The following CELSR1 variants were observed in gnomAD, a reference collection of about 807,000 sequenced individuals.
CELSR1 encodes cadherin EGF LAG seven-pass G-type receptor 1, also known as adhesion G protein-coupled receptor C1.
CELSR1 carries 110 observed loss-of-function variants against 249.1 expected under a neutral mutation model. That is an observed-to-expected ratio of 0.44 (90% CI 0.38 to 0.52). The LOEUF is 0.52. Ranked by LOEUF, CELSR1 falls within the 20% of genes least tolerant of loss-of-function variation. The probability of loss-of-function intolerance (pLI) is 0.00; values close to 1 mark genes in which losing one functional copy is unlikely to be tolerated. For synonymous variants in CELSR1, 2,113 were observed against 1,900.0 expected (o/e 1.11, Z -2.92); for missense variants, 4,109 against 4,296.4 (o/e 0.96, Z 1.22).
chr22:46,363,947 G>A lies in CELSR1; in HGVS notation c.9035+49C>T, dbSNP rs370769384. 1.6e-5 allele frequency: 24 copies of A among 1,520,910 alleles called. No individual in the cohort carries two copies. Among genetic ancestry groups the A allele is most frequent in the African/African-American group, 1.3e-4 (9 of 71,378 alleles). 94.2% of individuals were successfully genotyped at this position (1,520,910 alleles called of 1,614,324 possible). Reference sequence around the variant, plus strand: ...CTGCCCCCTCTCTCTCCTGACTCAGGACAAGGGGGAAGTGGGTGATCCCCG... The same window carrying A: ...CTGCCCCCTCTCTCTCCTGACTCAGAACAAGGGGGAAGTGGGTGATCCCCG... On this transcript the variant is annotated intron_variant, in intron 34 of 34. Transcript: ENST00000674500. The surrounding 1 kb of genome is among the most constrained non-coding windows in gnomAD (Gnocchi z 4.3).
intron 25 of CELSR1, among the ~76,000 whole-genome samples, chr22:46,372,200 CCCTCCAACCAT>C (rs2078860239): frequency 6.7e-6 from 1 of 149,906 alleles, no homozygotes; most frequent in African/African-American, 2.5e-5. Flanking sequence ...ACTCACTCAC[CCCTCCAACCAT>C]CCATCTACTC....
chr22:46,522,076 G>GT (rs2080691780), intron 1 of CELSR1, among the ~76,000 whole-genome samples: 1 of 152,020 alleles, frequency 6.6e-6, no homozygotes, highest in African/African-American at 2.4e-5. Flanking sequence ...CAGGTTTGGG[G>GT]TTTTTTTGTG....
intron 2 of CELSR1, among the ~76,000 whole-genome samples, chr22:46,450,740 C>CA (rs1216629250): frequency 6.6e-6 from 1 of 152,202 alleles, no homozygotes; most frequent in Non-Finnish European, 1.5e-5. Flanking sequence ...GCAGGGGCCT[C>CA]AGCACCCCAT....
In CELSR1 at chr22:46,445,706, T is replaced by C. The variant is rs1055629617; in HGVS notation, c.4184-6295A>G. Reference sequence around the variant, plus strand: ...TGTTTGTCCTGGAATTGCAATCGCGTACATTCTAGCCTCTGCAAACCCGGT... The same window carrying C: ...TGTTTGTCCTGGAATTGCAATCGCGCACATTCTAGCCTCTGCAAACCCGGT... On this transcript the variant is annotated intron_variant, in intron 2 of 34. Coordinates refer to ENST00000674500, the MANE Select transcript of CELSR1 (RefSeq NM_001378328.1). This position sits in a 1 kb window ranked among gnomAD's most constrained non-coding sequence, Gnocchi z 4.4. Among the ~76,000 whole-genome samples, 1 of 152,184 alleles carries C rather than the reference T, an allele frequency of 6.6e-6. No homozygotes were observed.
rs12157429 is a variant in CELSR1, at chr22:46,473,177, C to T, written c.3545-8832G>A. Reference sequence around the variant, plus strand: ...TCCGCAGAGGGGTGGACAGGACCCACGCACCACGAGGAACCATCGCTGGCC... The same window carrying T: ...TCCGCAGAGGGGTGGACAGGACCCATGCACCACGAGGAACCATCGCTGGCC... On this transcript the variant is annotated intron_variant, in intron 1 of 34. Coordinates refer to ENST00000674500, the MANE Select transcript of CELSR1 (RefSeq NM_001378328.1). The surrounding 1 kb of genome is among the most constrained non-coding windows in gnomAD (Gnocchi z 6.6). Among the ~76,000 whole-genome samples, 16,536 of 152,088 alleles carry T rather than the reference C, an allele frequency of 0.11. 2,767 individuals carry two copies. The highest frequency in any genetic ancestry group is 0.36 in the African/African-American group (14,927 of 41,434).
Position 46,454,555 on chromosome 22 carries a change from G to A in CELSR1, c.4183+9152C>T, listed in dbSNP as rs1255021038. Reference sequence around the variant, plus strand: ...CCACAGCGAGGTTTCTATTGCATGCGGCTCGTCTTCAGGCCACTTTTCTAA... The same window carrying A: ...CCACAGCGAGGTTTCTATTGCATGCAGCTCGTCTTCAGGCCACTTTTCTAA... On this transcript the variant is annotated intron_variant, in intron 2 of 34. Transcript: ENST00000674500. This position sits in a 1 kb window ranked among gnomAD's most constrained non-coding sequence, Gnocchi z 5.1. 2.6e-5 allele frequency among the ~76,000 whole-genome samples: 4 copies of A among 152,322 alleles called. No individual in the cohort carries two copies. The highest frequency in any genetic ancestry group is 2.1e-4 in the South Asian group (1 of 4,824).
intron 1 of CELSR1, among the ~76,000 whole-genome samples, chr22:46,482,007 A>G (rs923181078): frequency 7.2e-5 from 11 of 152,172 alleles, no homozygotes; most frequent in Non-Finnish European, 1.3e-4. Context: ...TCCTGAGCTC[A>G]GGTGATCCAC....
At position 46,441,398 on chromosome 22, in the gene CELSR1, G is replaced by A. The variant is rs546772701; in HGVS notation, c.4184-1987C>T. On this transcript the variant is annotated intron_variant, in intron 2 of 34. Coordinates refer to ENST00000674500, the MANE Select transcript of CELSR1 (RefSeq NM_001378328.1). This position sits in a 1 kb window ranked among gnomAD's most constrained non-coding sequence, Gnocchi z 6.1. ...CAGTGGGATTCACACAGCCGCTGCC[G>A]TGTGGGGCAGCCTAATTTGATGCCA... Among the ~76,000 whole-genome samples, 9 of 152,086 alleles carry A rather than the reference G, an allele frequency of 5.9e-5. No homozygotes were observed. Among genetic ancestry groups the A allele is most frequent in the South Asian group, 4.2e-4 (2 of 4,818 alleles).
intron 1 of CELSR1, among the ~76,000 whole-genome samples, chr22:46,511,072 T>C (rs2080568250): frequency 6.6e-6 from 1 of 151,924 alleles, no homozygotes; most frequent in African/African-American, 2.4e-5. Context: ...TGAGATCGTG[T>C]CATCGCACTC....
intron 32 of CELSR1, 102 bp downstream of exon 32, chr22:46,365,129 T>TG: frequency 6.9e-7 from 1 of 1,445,038 alleles, no homozygotes; most frequent in Non-Finnish European, 9.2e-7. Flanking sequence ...GCTGCAGTGC[T>TG]GCTGGGCATA....
rs1050219540 is a variant in CELSR1, at chr22:46,500,463, T to C, written c.3544+33164A>G. 6.6e-6 allele frequency among the ~76,000 whole-genome samples: 1 copy of C among 152,060 alleles called. No homozygotes were observed. Among genetic ancestry groups the C allele is most frequent in the Admixed American group, 6.6e-5 (1 of 15,250 alleles). On this transcript the variant is annotated intron_variant, in intron 1 of 34. Transcript: ENST00000674500. The surrounding 1 kb of genome is among the most constrained non-coding windows in gnomAD (Gnocchi z 4.9). ...GGTTGATGGGCAACCATGGGGACAA[T>C]GGCAAGGCTCTGGGCTTATTCAGAT...
intron 25 of CELSR1, among the ~76,000 whole-genome samples, chr22:46,371,286 G>T (rs79001968): frequency 7.9e-6 from 1 of 127,292 alleles, no homozygotes; most frequent in South Asian, 2.9e-4. Context: ...GGACGGTCCA[G>T]CAAGTGACCA....
intron 1 of CELSR1, among the ~76,000 whole-genome samples, chr22:46,480,097 A>G (rs2080251589): frequency 6.6e-6 from 1 of 152,190 alleles, no homozygotes; most frequent in South Asian, 2.1e-4. Context: ...GTTCACTCCT[A>G]TATACTAGTA....
chr22:46,459,696 C>CT (rs577746168), intron 2 of CELSR1, among the ~76,000 whole-genome samples: 188 of 152,366 alleles, frequency 1.2e-3, no homozygotes, highest in Admixed American at 2.0e-3. Flanking sequence ...CCACCCCCAG[C>CT]TGTGACAACC....
chr22:46,366,199 G>GCACGGGGGGAGGA (rs2078776956), intron 30 of CELSR1, among the ~76,000 whole-genome samples, 187 bp downstream of exon 30: 1 of 8,592 alleles, frequency 1.2e-4, no homozygotes, highest in Non-Finnish European at 2.3e-4. Flanking sequence ...CAGGGGAAGG[G>GCACGGGGGGAGGA]AAGGTGCGAG....
At position 46,521,290 on chromosome 22, in the gene CELSR1, T is replaced by C. The variant is rs565945238; in HGVS notation, c.3544+12337A>G. 9.2e-5 allele frequency among the ~76,000 whole-genome samples: 14 copies of C among 151,974 alleles called. No homozygotes were observed. The East Asian group carries it at 2.7e-3, about 29-fold the overall frequency. ...AAGCCGAAGCAAGAGGATCATGAGG[T>C]CAGGAGATCGAGACCATCCTGCCTA... On this transcript the variant is annotated intron_variant, in intron 1 of 34. Coordinates refer to ENST00000674500, the MANE Select transcript of CELSR1 (RefSeq NM_001378328.1).
At chr22:46,386,736 T>A (rs1430776366) in intron 18 of CELSR1, 151 bp from the exon 19 acceptor site, 1 of 602,722 alleles carries the variant, frequency 1.7e-6, no homozygotes. Flanking sequence ...ATATTAGTTG[T>A]TTTTTGTTTT....
intron 2 of CELSR1, among the ~76,000 whole-genome samples, chr22:46,450,540 G>A (rs1039914904): frequency 2.6e-5 from 4 of 152,258 alleles, no homozygotes; most frequent in African/African-American, 9.6e-5. Context: ...CGAAGGTTCA[G>A]AGAGGGCAGT....
rs548081983 is a variant in CELSR1 at position 46,438,895 on chromosome 22, T to C, written c.4406+294A>G. Reference sequence around the variant, plus strand: ...GTCTCAGCCTCCTGAGTAGCTGGGATTACAGGCATAAACCACTGTATCCAG... The same window carrying C: ...GTCTCAGCCTCCTGAGTAGCTGGGACTACAGGCATAAACCACTGTATCCAG... On this transcript the variant is annotated intron_variant, in intron 3 of 34. Transcript: ENST00000674500. Among the ~76,000 whole-genome samples, 7 of 152,300 alleles carry C rather than the reference T, an allele frequency of 4.6e-5. No individual in the cohort carries two copies. The South Asian group carries it at 8.3e-4, about 18-fold the overall frequency.
Sources: gnomAD v4.1 joint callset for allele counts (sites outside exome capture counted in the v4.1 genomes callset) on GRCh38, gnomAD v4.1.1 for gene constraint, Gnocchi (gnomAD v3.1) non-coding constraint, MANE v1.5 for transcripts, NCBI Gene and HGNC (gene_info 2026-07-23, HGNC 2026-07-21) for gene names.